The following MYOCD variants were observed in gnomAD, a reference collection of about 807,000 sequenced individuals.
The protein encoded by MYOCD is myocardin.
In MYOCD, 32 loss-of-function variants were observed where a neutral mutation model predicts 96.1. The observed-to-expected ratio is 0.33, with a 90% confidence interval of 0.25 to 0.45. MYOCD has a LOEUF of 0.45. Among genes scored for constraint, MYOCD ranks in the 20% least tolerant of loss-of-function variants. MYOCD has a pLI of 1.00. For missense variants in MYOCD, 1,133 were observed against 1,200.6 expected (o/e 0.94, Z 0.83); for synonymous variants, 469 against 469.0 (o/e 1.00, Z 0.00).
rs1555531846 is a variant in MYOCD, at chr17:12,714,361, A to ACC, written c.122-1155_122-1154dup. On this transcript the variant is annotated intron_variant, in intron 2 of 13. Coordinates refer to ENST00000425538, the MANE Select transcript of MYOCD (RefSeq NM_001146312.3). ...CACACACACACACACACACACACAC[A>ACC]CCCCGATCTGGTCAGAAACCTAATT... Among the ~76,000 whole-genome samples the ACC allele has an allele frequency of 1.1e-3, 158 of 148,366 alleles. 1 individual carries two copies. The highest frequency in any genetic ancestry group is 8.8e-3 in the South Asian group (41 of 4,648).
chr17:12,754,363 A>T (rs2032953363), intron 10 of MYOCD, among the ~76,000 whole-genome samples: 1 of 152,220 alleles, frequency 6.6e-6, no homozygotes, highest in Non-Finnish European at 1.5e-5. Flanking sequence ...TGGCCTCCCA[A>T]AGTGCTGGGA....
intron 5 of MYOCD, among the ~76,000 whole-genome samples, chr17:12,724,981 A>C (rs2031954489): frequency 1.3e-5 from 2 of 152,218 alleles, no homozygotes; most frequent in African/African-American, 4.8e-5. Flanking sequence ...ATGTGTTTAA[A>C]ATATATAATT....
Position 12,665,974 on chromosome 17 carries a change from C to A in MYOCD, c.-215C>A, listed in dbSNP as rs890300153. The A allele has an allele frequency of 3.7e-6, 2 of 541,862 alleles. No individual in the cohort carries two copies. The highest frequency in any genetic ancestry group is 3.3e-5 in the Admixed American group (1 of 30,532). 33.6% of individuals were successfully genotyped at this position (541,862 alleles called of 1,614,324 possible). On this transcript the variant is annotated 5_prime_UTR_variant, in exon 1 of 14. Transcript: ENST00000425538. The surrounding 1 kb of genome is among the most constrained non-coding windows in gnomAD (Gnocchi z 4.2). ...CAACCTCCGAGGAGGAGGAGGGTCC[C>A]GCCGGCTAAGAGTTAATTAGCCCCG...
At chr17:12,735,291 T>C (rs2032308703) in intron 5 of MYOCD, among the ~76,000 whole-genome samples, 1 of 152,180 alleles carries the variant, frequency 6.6e-6, no homozygotes, top group African/African-American at 2.4e-5. Context: ...CTTCAGCACA[T>C]TGTGTACTGT....
At chr17:12,681,863 T>G (rs1910487089) in intron 1 of MYOCD, among the ~76,000 whole-genome samples, 1 of 152,190 alleles carries the variant, frequency 6.6e-6, no homozygotes, top group African/African-American at 2.4e-5. Flanking sequence ...CTGCAGTAGA[T>G]GAGCAGACAG....
chr17:12,741,688 C>T (rs1039080251), intron 7 of MYOCD, among the ~76,000 whole-genome samples: 4 of 145,274 alleles, frequency 2.8e-5, no homozygotes, highest in Admixed American at 6.9e-5. Context: ...CTAGCCTGGT[C>T]GACAGAGCGA....
chr17:12,761,051 G>A (rs1323807241), intron 13 of MYOCD: 1 of 195,464 alleles, frequency 5.1e-6, no homozygotes, highest in Non-Finnish European at 1.1e-5. Context: ...TATAATAAAA[G>A]AAAAAAGCAG....
intron 1 of MYOCD, among the ~76,000 whole-genome samples, chr17:12,682,367 G>A (rs1442634527): frequency 6.6e-6 from 1 of 152,180 alleles, no homozygotes; most frequent in Non-Finnish European, 1.5e-5. Flanking sequence ...AGCCTCTGAT[G>A]GTGGTCCTGC....
At chr17:12,709,914 A>G (rs2031430590) in intron 2 of MYOCD, among the ~76,000 whole-genome samples, 1 of 152,162 alleles carries the variant, frequency 6.6e-6, no homozygotes, top group Admixed American at 6.5e-5. Flanking sequence ...TTTTATTCCA[A>G]CCGCTTCTGA....
intron 1 of MYOCD, among the ~76,000 whole-genome samples, chr17:12,687,889 T>C (rs2030213207): frequency 6.6e-6 from 1 of 152,234 alleles, no homozygotes; most frequent in Non-Finnish European, 1.5e-5. Context: ...GGAAGCAGTG[T>C]ATCCATGGCA....
In MYOCD at chr17:12,764,987, G is replaced by A. The variant is rs1463869673; in HGVS notation, c.*1343G>A. On this transcript the variant is annotated 3_prime_UTR_variant, in exon 14 of 14. Coordinates refer to ENST00000425538, the MANE Select transcript of MYOCD (RefSeq NM_001146312.3). Reference sequence around the variant, plus strand: ...TTTCAAGAAATTATTGGTTTGTGTTGCTCTGGGGAAATTGGAAATCATTAC... The same window carrying A: ...TTTCAAGAAATTATTGGTTTGTGTTACTCTGGGGAAATTGGAAATCATTAC... The A allele has an allele frequency of 6.6e-6, 1 of 152,150 alleles. No homozygotes were observed. Among genetic ancestry groups the A allele is most frequent in the Non-Finnish European group, 1.5e-5 (1 of 68,040 alleles). The allele number at this position is 152,150 out of a possible 1,614,324, so 9.4% of individuals were successfully genotyped here.
At chr17:12,693,209 G>A (rs1220243846) in intron 1 of MYOCD, among the ~76,000 whole-genome samples, 6 of 152,126 alleles carry the variant, frequency 3.9e-5, no homozygotes, top group African/African-American at 1.2e-4. Flanking sequence ...TACATGCGTA[G>A]GGTGGTGGTA....
chr17:12,759,750 C>T (rs1014673448), intron 12 of MYOCD, among the ~76,000 whole-genome samples: 1 of 152,166 alleles, frequency 6.6e-6, no homozygotes, highest in Non-Finnish European at 1.5e-5. Context: ...CCATGAGGAA[C>T]CATCAAAATA....
chr17:12,701,659 G>A (rs1440067435), intron 1 of MYOCD, among the ~76,000 whole-genome samples: 1 of 151,928 alleles, frequency 6.6e-6, no homozygotes, highest in East Asian at 1.9e-4. Flanking sequence ...TCTAATATAA[G>A]TATTTAAAAC....
chr17:12,669,596 C>G (rs1449248164), intron 1 of MYOCD, among the ~76,000 whole-genome samples: 1 of 147,654 alleles, frequency 6.8e-6, no homozygotes, highest in South Asian at 2.1e-4. Context: ...TTTTGGCAAC[C>G]CTACCTACAA....
chr17:12,686,670 G>A (rs1039477253), intron 1 of MYOCD, among the ~76,000 whole-genome samples: 1 of 152,206 alleles, frequency 6.6e-6, no homozygotes, highest in Non-Finnish European at 1.5e-5. Flanking sequence ...TGAAATGATA[G>A]CTCTTGTAGT....
In MYOCD at chr17:12,766,357, C is replaced by G. The variant is rs2033341229; in HGVS notation, c.*2713C>G. The G allele has an allele frequency of 6.6e-6, 1 of 152,098 alleles. No individual in the cohort carries two copies. Among genetic ancestry groups the G allele is most frequent in the African/African-American group, 2.4e-5 (1 of 41,400 alleles). 9.4% of individuals were successfully genotyped at this position (152,098 alleles called of 1,614,324 possible). A position where few individuals can be genotyped will look rare whatever the true frequency, so the allele number is the denominator to read the frequency against. On this transcript the variant is annotated 3_prime_UTR_variant, in exon 14 of 14. Transcript: ENST00000425538. ...CTATGACCCAGGACTGATAGATATG[C>G]CTTACGGAAGACAAAAGATAAAATG...
intron 1 of MYOCD, among the ~76,000 whole-genome samples, chr17:12,692,175 A>C (rs895733199): frequency 3.9e-5 from 6 of 152,242 alleles, no homozygotes; most frequent in Non-Finnish European, 8.8e-5. Context: ...TGTAAATGGC[A>C]TAACCTCTTC....
At chr17:12,679,481 CA>C (rs1253583093) in intron 1 of MYOCD, among the ~76,000 whole-genome samples, 1 of 152,176 alleles carries the variant, frequency 6.6e-6, no homozygotes, top group African/African-American at 2.4e-5. Flanking sequence ...TTGGTTGTTT[CA>C]AAACCTTGTG....
Sources: allele counts gnomAD v4.1 joint callset (sites outside exome capture counted in the v4.1 genomes callset), GRCh38; gene constraint gnomAD v4.1.1; non-coding constraint Gnocchi (gnomAD v3.1); transcripts MANE v1.5; gene names NCBI Gene and HGNC (gene_info 2026-07-23, HGNC 2026-07-21).